Variants in VAV3 observed in about 807,000 individuals in gnomAD.
The protein encoded by VAV3 is guanine nucleotide exchange factor VAV3.
VAV3 carries 94 observed loss-of-function variants against 131.2 expected under a neutral mutation model. That is an observed-to-expected ratio of 0.72 (90% CI 0.61 to 0.85). The LOEUF (loss-of-function observed/expected upper bound fraction) is 0.85, where lower values mean the gene tolerates loss of function less well. Ranked by LOEUF, VAV3 falls within the 40% of genes least tolerant of loss-of-function variation. The pLI is 0.00. For synonymous variants in VAV3, 349 were observed against 342.0 expected (o/e 1.02, Z -0.22); for missense variants, 939 against 1,002.7 (o/e 0.94, Z 0.86).
Position 107,760,929 on chromosome 1 carries a change from A to C in VAV3, c.922-50T>G, listed in dbSNP as rs749497220. 4 of 1,340,388 alleles carry C rather than the reference A, an allele frequency of 3.0e-6. 1 individual carries two copies. The South Asian group carries it at 4.8e-5, about 16-fold the overall frequency. 83.0% of individuals were successfully genotyped at this position (1,340,388 alleles called of 1,614,324 possible). A position where few individuals can be genotyped will look rare whatever the true frequency, so the allele number is the denominator to read the frequency against. The stretch of plus-strand genomic sequence containing the variant: ...TTGTTAGGGAGTCATAAACATTAAA[A>C]GATGCAAAGGCCCTAGGCAGAACAG... On this transcript the variant is annotated intron_variant, in intron 9 of 26. Coordinates refer to ENST00000370056, the MANE Select transcript of VAV3 (RefSeq NM_006113.5).
intron 25 of VAV3, among the ~76,000 whole-genome samples, chr1:107,578,375 T>C (rs1284165124): frequency 6.6e-6 from 1 of 152,224 alleles, no homozygotes; most frequent in Non-Finnish European, 1.5e-5. Context: ...GCCCAAATCA[T>C]TTTCAGCCAT....
chr1:107,950,991 T>C (rs575789673), intron 1 of VAV3, among the ~76,000 whole-genome samples: 21 of 152,280 alleles, frequency 1.4e-4, no homozygotes, highest in Non-Finnish European at 2.4e-4. Context: ...TTCAAGAGAA[T>C]AGACCATCAT....
At chr1:107,681,371 AC>A (rs1369096615) in intron 19 of VAV3, among the ~76,000 whole-genome samples, 2 of 152,186 alleles carry the variant, frequency 1.3e-5, no homozygotes, top group Non-Finnish European at 2.9e-5. Flanking sequence ...AAATCTCTAA[AC>A]AATAGCCACA....
intron 15 of VAV3, among the ~76,000 whole-genome samples, chr1:107,745,956 C>A (rs1053435156): frequency 3.9e-5 from 6 of 152,174 alleles, no homozygotes; most frequent in African/African-American, 9.7e-5. Context: ...AAGAAGCCAT[C>A]CTGTGGAGAT....
intron 19 of VAV3, among the ~76,000 whole-genome samples, chr1:107,657,697 C>T (rs1656679219): frequency 6.6e-6 from 1 of 152,164 alleles, no homozygotes; most frequent in East Asian, 1.9e-4. Flanking sequence ...GGATTCCATG[C>T]AAAGATTGTA....
At chr1:107,964,332 G>A (rs1675303884) in intron 1 of VAV3, 2 of 225,596 alleles carry the variant, frequency 8.9e-6, no homozygotes, top group Non-Finnish European at 1.8e-5. Context: ...TATTATAGAA[G>A]AGCTTGATCA....
In VAV3 at chr1:107,772,800, A is replaced by C. The variant is rs1383627748; in HGVS notation, c.490T>G (p.Tyr164Asp). The change falls in exon 5 of 27, where the codon TAT (tyrosine) becomes GAT (aspartate). Residue 164 changes from tyrosine to aspartate, a missense_variant. Tyr to Asp is a radical substitution (Grantham distance 160). Coordinates refer to ENST00000370056, the MANE Select transcript of VAV3 (RefSeq NM_006113.5). ...EDEEDLYDCVYGEDEGGEVYE... is the reference protein window; with the variant it reads ...EDEEDLYDCVDGEDEGGEVYE... The stretch of plus-strand genomic sequence containing the variant: ...ACTTCTCCACCTTCATCTTCCCCAT[A>C]AACACAGTCATAGAGATCTTCTTCA... 6.2e-7 allele frequency: 1 copy of C among 1,613,728 alleles called. No individual in the cohort carries two copies. Among genetic ancestry groups the C allele is most frequent in the Non-Finnish European group, 8.5e-7 (1 of 1,179,876 alleles).
chr1:107,930,863 C>CA (rs1469618505), intron 1 of VAV3, among the ~76,000 whole-genome samples: 1 of 151,940 alleles, frequency 6.6e-6, no homozygotes, highest in Non-Finnish European at 1.5e-5. Context: ...TGTATCTTAG[C>CA]AAAAATAGGT....
intron 19 of VAV3, among the ~76,000 whole-genome samples, chr1:107,652,697 T>C (rs1366221984): frequency 6.6e-6 from 1 of 152,212 alleles, no homozygotes; most frequent in Non-Finnish European, 1.5e-5. Context: ...CTTTTAATGA[T>C]ACAAATATTC....
intron 12 of VAV3, among the ~76,000 whole-genome samples, chr1:107,751,901 C>T (rs1663751416): frequency 6.6e-6 from 1 of 152,108 alleles, no homozygotes; most frequent in Admixed American, 6.5e-5. Context: ...TAATAAAGGG[C>T]AGAGATGTGT....
intron 1 of VAV3, among the ~76,000 whole-genome samples, chr1:107,889,353 A>T (rs1671206757): frequency 6.6e-6 from 1 of 152,210 alleles, no homozygotes; most frequent in East Asian, 1.9e-4. Flanking sequence ...GGTTTAACAC[A>T]GAAATGTAAT....
intron 25 of VAV3, among the ~76,000 whole-genome samples, chr1:107,586,340 T>C (rs1650495087): frequency 6.6e-6 from 1 of 152,180 alleles, no homozygotes; most frequent in East Asian, 1.9e-4. Flanking sequence ...GTTGAATGAA[T>C]GCATTAATGA....
At chr1:107,673,098 G>A (rs1443340434) in intron 19 of VAV3, among the ~76,000 whole-genome samples, 7 of 152,204 alleles carry the variant, frequency 4.6e-5, no homozygotes, top group African/African-American at 1.4e-4. Context: ...GTTCCTCAAA[G>A]CATTTATAAA....
intron 10 of VAV3, among the ~76,000 whole-genome samples, chr1:107,758,570 AAAC>A (rs1664243232): frequency 6.6e-6 from 1 of 152,108 alleles, no homozygotes; most frequent in Admixed American, 6.5e-5. Context: ...TTAAAACAAA[AAAC>A]AACAAAACCA....
Position 107,874,968 on chromosome 1 carries a change from G to A in VAV3, c.254C>T (p.Thr85Met), listed in dbSNP as rs1356071830. 7.4e-6 allele frequency: 12 copies of A among 1,613,168 alleles called. No individual in the cohort carries two copies. The highest frequency in any genetic ancestry group is 1.6e-4 in the Middle Eastern group (1 of 6,080). Reference sequence around the variant, plus strand: ...AAGTTCACTTTTCCTCATTCCAAACGTCTCACAACAGGCCGTGAGAAATGT... The same window carrying A: ...AAGTTCACTTTTCCTCATTCCAAACATCTCACAACAGGCCGTGAGAAATGT... Reference protein sequence around the residue: ...IRTFLTACCETFGMRKSELFE... With the variant: ...IRTFLTACCEMFGMRKSELFE... Residue 85 changes from threonine (T) to methionine (M), a missense_variant, in exon 2 of 27, where the codon ACG (threonine) becomes ATG (methionine). By Grantham distance (81) the Thr-to-Met change is moderately conservative. Transcript: ENST00000370056.
intron 2 of VAV3, among the ~76,000 whole-genome samples, chr1:107,800,621 G>A (rs1666783715): frequency 6.6e-6 from 1 of 152,126 alleles, no homozygotes; most frequent in African/African-American, 2.4e-5. Context: ...GGGAACAAAT[G>A]ATCCCACCAC....
chr1:107,834,680 A>G (rs572645869), intron 2 of VAV3, among the ~76,000 whole-genome samples: 2 of 151,528 alleles, frequency 1.3e-5, no homozygotes, highest in Non-Finnish European at 2.9e-5. Flanking sequence ...AATATTGAGT[A>G]AACCAACATA....
chr1:107,678,883 G>T (rs1658403238), intron 19 of VAV3, among the ~76,000 whole-genome samples: 1 of 151,928 alleles, frequency 6.6e-6, no homozygotes, highest in Non-Finnish European at 1.5e-5. Context: ...TTAAGACACT[G>T]CTATACGTAA....
chr1:107,609,238 A>AT (rs1179800850), intron 22 of VAV3, among the ~76,000 whole-genome samples: 11 of 152,222 alleles, frequency 7.2e-5, no homozygotes, highest in Non-Finnish European at 1.3e-4. Context: ...TCCTAAATAT[A>AT]TTTTTTAATA....
Sources: allele counts gnomAD v4.1 joint callset (sites outside exome capture counted in the v4.1 genomes callset), GRCh38; gene constraint gnomAD v4.1.1; transcripts MANE v1.5; gene names NCBI Gene and HGNC (gene_info 2026-07-23, HGNC 2026-07-21).